ACSS2: variants seen among roughly 807,000 people sequenced by gnomAD.
ACSS2 encodes the protein acyl-CoA synthetase short chain family member 2, also known as acetyl-coenzyme A synthetase, cytoplasmic.
In ACSS2, 58 loss-of-function variants were observed where a neutral mutation model predicts 90.6. The observed-to-expected ratio is 0.64, with a 90% CI of 0.52 to 0.80. ACSS2 has a LOEUF of 0.80. ACSS2 is among the 30% of genes least tolerant of loss of function. The pLI is 0.00. For synonymous variants in ACSS2, 300 were observed against 330.9 expected, an observed-to-expected ratio of 0.91 and a Z score of 1.01; for missense variants, 759 against 912.0, an observed-to-expected ratio of 0.83 and a Z score of 2.16.
intron 2 of ACSS2, among the ~76,000 whole-genome samples, chr20:34,907,126 T>G (rs78154982): frequency 3.5e-4 from 45 of 129,282 alleles, no homozygotes; most frequent in African/African-American, 1.5e-3. Flanking sequence ...ACAGAATGTG[T>G]TTTTTTTTTT....
Position 34,876,693 on chromosome 20 carries a change from C to T in ACSS2, c.48C>T (p.Gly16=), listed in dbSNP as rs2079918944. 1 of 1,433,320 alleles carries T rather than the reference C, an allele frequency of 7.0e-7. No individual in the cohort carries two copies. Among genetic ancestry groups the T allele is most frequent in the Non-Finnish European group, 9.2e-7 (1 of 1,085,134 alleles). 88.8% of individuals were successfully genotyped at this position (1,433,320 alleles called of 1,614,324 possible). A position where few individuals can be genotyped will look rare whatever the true frequency, so the allele number is the denominator to read the frequency against. The change falls in exon 1 of 18, where the codon GGC becomes GGT. Residue 16 remains glycine (G), a synonymous_variant. Coordinates refer to ENST00000360596, the MANE Select transcript of ACSS2 (RefSeq NM_018677.4). ...TCCGGAGCGGCAGCGGGAGCCGGGGCCAGGAGGAAGCTGGAGCCGGAGGCC... is the reference window on the plus strand; with the variant it reads ...TCCGGAGCGGCAGCGGGAGCCGGGGTCAGGAGGAAGCTGGAGCCGGAGGCC... ...ERVRSGSGSR[G]QEEAGAGGRA...
rs369436899 is a variant in ACSS2, at chr20:34,920,717, G to A, written c.1143+8G>A. On this transcript the variant is annotated splice_region_variant and intron_variant, in intron 9 of 17. Coordinates refer to ENST00000360596, the MANE Select transcript of ACSS2 (RefSeq NM_018677.4). ...GGTGCCACCAGTGTTTTGGTGAGAA[G>A]GGAGCCACCTGGCCTAGCTGGGGGA... 5 of 1,606,860 alleles carry A rather than the reference G, an allele frequency of 3.1e-6. No homozygotes were observed. The highest frequency in any genetic ancestry group is 4.3e-6 in the Non-Finnish European group (5 of 1,175,692).
At chr20:34,879,145 C>T (rs1246358238) in intron 1 of ACSS2, among the ~76,000 whole-genome samples, 1 of 151,974 alleles carries the variant, frequency 6.6e-6, no homozygotes, top group Non-Finnish European at 1.5e-5. Context: ...ACCTCGTGAT[C>T]CGCCCGCCTC....
intron 2 of ACSS2, 29 bp downstream of exon 2, chr20:34,883,018 C>A: frequency 6.5e-7 from 1 of 1,528,222 alleles, no homozygotes; most frequent in Non-Finnish European, 8.9e-7. Flanking sequence ...TACTTGGTGG[C>A]AGATAAAAAC....
At chr20:34,924,845 G>A (rs1459226601) in intron 14 of ACSS2, among the ~76,000 whole-genome samples, 6 of 152,058 alleles carry the variant, frequency 3.9e-5, no homozygotes. Flanking sequence ...GATTACAGGC[G>A]GGTGCCACCA....
At chr20:34,897,034 A>AG (rs2080479732) in intron 2 of ACSS2, among the ~76,000 whole-genome samples, 1 of 104,596 alleles carries the variant, frequency 9.6e-6, no homozygotes, top group Non-Finnish European at 2.3e-5. Flanking sequence ...TCTCAAAAAA[A>AG]GGAAAAAAAA....
chr20:34,899,050 T>G (rs1445597570), intron 2 of ACSS2, among the ~76,000 whole-genome samples: 2 of 152,210 alleles, frequency 1.3e-5, no homozygotes, highest in Non-Finnish European at 1.5e-5. Flanking sequence ...GCCCGGGTGC[T>G]AAGCCCCTCA....
intron 2 of ACSS2, among the ~76,000 whole-genome samples, chr20:34,887,199 C>T (rs769504762): frequency 3.9e-5 from 6 of 152,214 alleles, no homozygotes; most frequent in Non-Finnish European, 8.8e-5. Context: ...AAGGGTCATA[C>T]ACCTGTTTGA....
chr20:34,923,312 T>A lies in ACSS2; in HGVS notation c.1549-11T>A. 5.0e-6 allele frequency: 8 copies of A among 1,602,616 alleles called. No individual in the cohort carries two copies. Among genetic ancestry groups the A allele is most frequent in the Non-Finnish European group, 6.8e-6 (8 of 1,169,636 alleles). On this transcript the variant is annotated splice_polypyrimidine_tract_variant and intron_variant, in intron 13 of 17. Coordinates refer to ENST00000360596, the MANE Select transcript of ACSS2 (RefSeq NM_018677.4). ...AGCAAATGTGATCACTGTCCCTTCCTCACTCCCCAGGTGTTCAAGCAGCCC... is the reference window on the plus strand; with the variant it reads ...AGCAAATGTGATCACTGTCCCTTCCACACTCCCCAGGTGTTCAAGCAGCCC...
At chr20:34,898,018 A>G (rs986187323) in intron 2 of ACSS2, among the ~76,000 whole-genome samples, 7 of 151,832 alleles carry the variant, frequency 4.6e-5, no homozygotes, top group Non-Finnish European at 7.4e-5. Context: ...GCACGTCTGG[A>G]GTTTGTTCCT....
At chr20:34,918,703 G>C (rs2081128315) in intron 7 of ACSS2, among the ~76,000 whole-genome samples, 1 of 152,170 alleles carries the variant, frequency 6.6e-6, no homozygotes, top group Non-Finnish European at 1.5e-5. Flanking sequence ...AAAAGTGCTT[G>C]GACCAAGATC....
chr20:34,914,881 C>T (rs1000786225), intron 7 of ACSS2, among the ~76,000 whole-genome samples: 1 of 152,150 alleles, frequency 6.6e-6, no homozygotes, highest in Admixed American at 6.6e-5. Context: ...TTTGGACCCC[C>T]AGGCTTCTGG....
chr20:34,892,087 G>A (rs2080348959), intron 2 of ACSS2, among the ~76,000 whole-genome samples: 1 of 152,134 alleles, frequency 6.6e-6, no homozygotes, highest in Non-Finnish European at 1.5e-5. Context: ...TCTTTTTTAA[G>A]TTACTTCTGG....
chr20:34,879,158 C>A (rs2146959011), intron 1 of ACSS2, among the ~76,000 whole-genome samples: 1 of 152,186 alleles, frequency 6.6e-6, no homozygotes, highest in Middle Eastern at 3.4e-3. Context: ...CCCGCCTCGG[C>A]CTCCCAAAGT....
Position 34,919,495 on chromosome 20 carries a change from G to A in ACSS2, c.895G>A (p.Glu299Lys). The A allele has an allele frequency of 3.1e-6, 5 of 1,612,954 alleles. No individual in the cohort carries two copies. Among genetic ancestry groups the A allele is most frequent in the Non-Finnish European group, 4.2e-6 (5 of 1,180,010 alleles). ...WHELMQEAGDECEPEWCDAED... is the reference protein window; with the variant it reads ...WHELMQEAGDKCEPEWCDAED... ...TGAGCTCATGCAAGAGGCAGGGGAT[G>A]AGTGTGAGCCCGAGTGGTGTGATGC... is the stretch of plus-strand genomic sequence containing the variant. The change falls in exon 8 of 18, where the codon GAG becomes AAG. Residue 299 changes from glutamate (E) to lysine (K), a missense_variant. By Grantham distance (56) the Glu-to-Lys change is moderately conservative (BLOSUM62 1). Coordinates refer to ENST00000360596, the MANE Select transcript of ACSS2 (RefSeq NM_018677.4).
intron 2 of ACSS2, among the ~76,000 whole-genome samples, chr20:34,912,114 C>T (rs977962757): frequency 3.3e-5 from 5 of 151,774 alleles, no homozygotes; most frequent in Non-Finnish European, 7.4e-5. Flanking sequence ...CACCACGCCC[C>T]GCCCATTGGT....
chr20:34,879,601 C>T (rs541732491), intron 1 of ACSS2, among the ~76,000 whole-genome samples: 100 of 151,980 alleles, frequency 6.6e-4, no homozygotes, highest in Non-Finnish European at 1.2e-3. Context: ...AACATGGTGA[C>T]GCACGTCTGT....
chr20:34,913,645 C>A, intron 4 of ACSS2, 108 bp from the exon 5 acceptor site: 4 of 1,293,174 alleles, frequency 3.1e-6, no homozygotes, highest in Admixed American at 1.8e-5. Context: ...TCAGTTTCTT[C>A]TAGGACCCTG....
chr20:34,903,006 T>C (rs2080707892), intron 2 of ACSS2, among the ~76,000 whole-genome samples: 1 of 151,736 alleles, frequency 6.6e-6, no homozygotes, highest in Admixed American at 6.6e-5. Flanking sequence ...ATGCTGGGAT[T>C]ACAGGCATGA....
Sources: gnomAD v4.1 joint callset for allele counts (sites outside exome capture counted in the v4.1 genomes callset) on GRCh38, gnomAD v4.1.1 for gene constraint, MANE v1.5 for transcripts, NCBI Gene and HGNC (gene_info 2026-07-23, HGNC 2026-07-21) for gene names.